Variants in SEMA5A observed in about 807,000 individuals in gnomAD.
The protein encoded by SEMA5A is semaphorin-5A.
Under a neutral mutation model 135.5 loss-of-function variants are expected in SEMA5A, and 55 were observed. The observed-to-expected ratio is 0.41, with a 90% CI of 0.33 to 0.51. The LOEUF (loss-of-function observed/expected upper bound fraction) is 0.51, where lower values mean the gene tolerates loss of function less well. Among genes scored for constraint, SEMA5A ranks in the 20% least tolerant of loss-of-function variants. SEMA5A has a pLI of 0.37. For missense variants in SEMA5A, 1,290 were observed against 1,419.9 expected (o/e 0.91, Z 1.47); for synonymous variants, 580 against 546.5 (o/e 1.06, Z -0.85).
At position 9,035,819 on chromosome 5, in the gene SEMA5A, C is replaced by T. The variant is rs1735623609; in HGVS notation, c.*7078G>A. The T allele has an allele frequency of 6.6e-6, 1 of 151,798 alleles. No homozygotes were observed. The highest frequency in any genetic ancestry group is 6.6e-5 in the Admixed American group (1 of 15,250). 9.4% of individuals were successfully genotyped at this position (151,798 alleles called of 1,614,324 possible). A position where few individuals can be genotyped will look rare whatever the true frequency, so the allele number is the denominator to read the frequency against. ...CCCAAGATCCATTTTCTCATTCAAACAAAGGGGAAATGTAAAGCTATCTCA... is the reference window on the plus strand; with the variant it reads ...CCCAAGATCCATTTTCTCATTCAAATAAAGGGGAAATGTAAAGCTATCTCA... On this transcript the variant is annotated 3_prime_UTR_variant, in exon 23 of 23. Coordinates refer to ENST00000382496, the MANE Select transcript of SEMA5A (RefSeq NM_003966.3).
chr5:9,489,742 T>C (rs887641587), intron 1 of SEMA5A, among the ~76,000 whole-genome samples: 11 of 152,300 alleles, frequency 7.2e-5, no homozygotes, highest in Admixed American at 2.0e-4. Flanking sequence ...AAATTGTCAG[T>C]GGATAGATTA....
At position 9,122,781 on chromosome 5, in the gene SEMA5A, G is replaced by T. The variant is rs1319393401; in HGVS notation, c.1656C>A (p.Cys552Ter). ...HFGVWSPWTP[C>*]THTDGSAVGS... ...CCACGGCGCTGCCATCTGTGTGCGT[G>T]CAAGGCGTCCACGGAGACCACACAC... The change falls in exon 14 of 23, where the codon TGC becomes TGA. Residue 552 changes from cysteine (C) to a stop codon, truncating the protein, a stop_gained. Transcript: ENST00000382496. LOFTEE classifies it high-confidence loss of function. 2 of 1,612,964 alleles carry T rather than the reference G, an allele frequency of 1.2e-6. No individual in the cohort carries two copies. The highest frequency in any genetic ancestry group is 3.3e-5 in the Admixed American group (2 of 59,950).
At position 9,154,062 on chromosome 5, in the gene SEMA5A, A is replaced by T. The variant is rs10223117; in HGVS notation, c.1481+426T>A. On this transcript the variant is annotated intron_variant, in intron 12 of 22. Coordinates refer to ENST00000382496, the MANE Select transcript of SEMA5A (RefSeq NM_003966.3). ...CTGTGTCTCAAAAAAAAAAAAAAAA[A>T]ATATATATATATATATATATATATA... Among the ~76,000 whole-genome samples, 652 of 67,944 alleles carry T rather than the reference A, an allele frequency of 9.6e-3. 5 individuals are homozygous for T. Among genetic ancestry groups the T allele is most frequent in the Non-Finnish European group, 0.013 (417 of 32,022 alleles). 44.6% of individuals were successfully genotyped at this position (67,944 alleles called of 152,430 possible). A position where few individuals can be genotyped will look rare whatever the true frequency, so the allele number is the denominator to read the frequency against.
intron 1 of SEMA5A, among the ~76,000 whole-genome samples, chr5:9,530,819 T>C (rs899357552): frequency 6.6e-6 from 1 of 152,116 alleles, no homozygotes; most frequent in Non-Finnish European, 1.5e-5. Flanking sequence ...GAAAAGGAGC[T>C]TTCCAGGAAA....
intron 3 of SEMA5A, among the ~76,000 whole-genome samples, chr5:9,365,893 C>T (rs113521506): frequency 6.6e-4 from 101 of 152,296 alleles, no homozygotes; most frequent in African/African-American, 2.3e-3. Context: ...GAGCCAACCC[C>T]GTGAGGATTA....
chr5:9,221,404 A>T (rs13159979), intron 8 of SEMA5A, among the ~76,000 whole-genome samples: 1 of 138,496 alleles, frequency 7.2e-6, no homozygotes, highest in Non-Finnish European at 1.6e-5. Context: ...CCGGGTTCAC[A>T]CCATTCTCCT....
At chr5:9,370,123 T>G (rs2126429637) in intron 3 of SEMA5A, among the ~76,000 whole-genome samples, 1 of 152,346 alleles carries the variant, frequency 6.6e-6, no homozygotes, top group Admixed American at 6.5e-5. Flanking sequence ...GGCCTCTGCT[T>G]TCATCTTTAA....
intron 5 of SEMA5A, among the ~76,000 whole-genome samples, chr5:9,271,552 CA>C (rs896809493): frequency 6.6e-6 from 1 of 152,038 alleles, no homozygotes; most frequent in African/African-American, 2.4e-5. Flanking sequence ...GGTTTTTGAC[CA>C]AAAGGCTGAT....
intron 1 of SEMA5A, among the ~76,000 whole-genome samples, chr5:9,507,953 A>G (rs550220391): frequency 3.3e-5 from 5 of 151,776 alleles, no homozygotes; most frequent in South Asian, 2.1e-4. Context: ...GCAGTAAGCC[A>G]AGATTGCGCC....
chr5:9,419,274 CT>C (rs1307924367), intron 2 of SEMA5A, among the ~76,000 whole-genome samples: 1 of 152,096 alleles, frequency 6.6e-6, no homozygotes, highest in Non-Finnish European at 1.5e-5. Flanking sequence ...TTGAGGCTTG[CT>C]TTGTGACCAA....
intron 3 of SEMA5A, among the ~76,000 whole-genome samples, chr5:9,376,392 A>C (rs1056412306): frequency 1.3e-5 from 2 of 152,074 alleles, no homozygotes; most frequent in African/African-American, 4.8e-5. Context: ...TCCTTTCATA[A>C]GTTTTGTAAA....
intron 5 of SEMA5A, among the ~76,000 whole-genome samples, chr5:9,297,451 G>T (rs973832425): frequency 6.6e-6 from 1 of 152,112 alleles, no homozygotes; most frequent in African/African-American, 2.4e-5. Context: ...TCAGTCAGTC[G>T]CCACTTCCAC....
intron 3 of SEMA5A, among the ~76,000 whole-genome samples, chr5:9,373,467 C>A (rs1350043025): frequency 6.6e-6 from 1 of 152,172 alleles, no homozygotes; most frequent in Non-Finnish European, 1.5e-5. Context: ...GCAGTCATCT[C>A]AATTCCCTCC....
intron 1 of SEMA5A, among the ~76,000 whole-genome samples, chr5:9,527,516 T>C (rs1737201769): frequency 6.6e-6 from 1 of 152,248 alleles, no homozygotes; most frequent in African/African-American, 2.4e-5. Context: ...GGTGTTCCTG[T>C]GCAGGTGACC....
At chr5:9,480,390 TATTA>T (rs1470878835) in intron 1 of SEMA5A, among the ~76,000 whole-genome samples, 1 of 152,126 alleles carries the variant, frequency 6.6e-6, no homozygotes, top group Non-Finnish European at 1.5e-5. Flanking sequence ...GACTGGAGAA[TATTA>T]ACCGCCTAAG....
intron 3 of SEMA5A, among the ~76,000 whole-genome samples, chr5:9,375,556 T>C (rs765720115): frequency 6.7e-6 from 1 of 150,324 alleles, no homozygotes; most frequent in Non-Finnish European, 1.5e-5. Flanking sequence ...TTTGGACTTC[T>C]GGCCTCCAGA....
intron 5 of SEMA5A, among the ~76,000 whole-genome samples, chr5:9,295,392 C>T (rs1374593924): frequency 3.9e-5 from 6 of 152,144 alleles, no homozygotes; most frequent in Non-Finnish European, 8.8e-5. Flanking sequence ...TTCTGGTTTG[C>T]AAACTCCATC....
At chr5:9,078,586 TAC>T (rs145598030) in intron 16 of SEMA5A, among the ~76,000 whole-genome samples, 36,081 of 145,536 alleles carry the variant, frequency 0.25, 7,836 homozygotes, top group African/African-American at 0.59. Flanking sequence ...GCTGGGTATG[TAC>T]ACACACACAC....
intron 11 of SEMA5A, among the ~76,000 whole-genome samples, chr5:9,156,576 G>C (rs1742968778): frequency 6.6e-6 from 1 of 152,206 alleles, no homozygotes; most frequent in Non-Finnish European, 1.5e-5. Flanking sequence ...AGGCTCATGG[G>C]AGAACTTATG....
Sources: gnomAD v4.1 joint callset for allele counts (sites outside exome capture counted in the v4.1 genomes callset) on GRCh38, gnomAD v4.1.1 for gene constraint, MANE v1.5 for transcripts, NCBI Gene and HGNC (gene_info 2026-07-23, HGNC 2026-07-21) for gene names.